Variants in SNX17 observed in about 807,000 individuals in gnomAD.
SNX17 encodes sorting nexin 17, also known as sorting nexin-17.
In SNX17, 35 loss-of-function variants were observed where a neutral mutation model predicts 64.3. The observed-to-expected ratio is 0.54, with a 90% CI of 0.42 to 0.72. The LOEUF is 0.72. Among genes scored for constraint, SNX17 ranks in the 30% least tolerant of loss-of-function variants. The probability of loss-of-function intolerance (pLI) is 0.00; values close to 1 mark genes in which losing one functional copy is unlikely to be tolerated. For synonymous variants in SNX17, 259 were observed against 230.2 expected, an observed-to-expected ratio of 1.13 and a Z score of -1.13; for missense variants, 538 against 610.0, an observed-to-expected ratio of 0.88 and a Z score of 1.24.
In SNX17 at chr2:27,372,635, T is replaced by A. The variant is rs1682751654; in HGVS notation, c.151T>A (p.Tyr51Asn). The A allele has an allele frequency of 6.2e-6, 10 of 1,614,056 alleles. No homozygotes were observed. The highest frequency in any genetic ancestry group is 7.6e-6 in the Non-Finnish European group (9 of 1,179,996). ...LGLHEQLRKE[Y>N]GANVLPAFPP... ...TTTCTCTAAATAGCTTCGGAAGGAGTATGGGGCCAATGTGCTTCCTGCATT... is the reference window on the plus strand; with the variant it reads ...TTTCTCTAAATAGCTTCGGAAGGAGAATGGGGCCAATGTGCTTCCTGCATT... The change falls in exon 3 of 15, where the codon TAT becomes AAT. Residue 51 changes from tyrosine to asparagine, a missense_variant. By Grantham distance (143) the Tyr-to-Asn change is moderately radical. Coordinates refer to ENST00000233575, the MANE Select transcript of SNX17 (RefSeq NM_014748.4).
Position 27,377,458 on chromosome 2 carries a change from T to TA in SNX17, c.*739_*740insA. The TA allele has an allele frequency of 1.4e-6, 2 of 1,434,514 alleles. No homozygotes were observed. Among genetic ancestry groups the TA allele is most frequent in the South Asian group, 2.3e-5 (2 of 86,468 alleles). The allele number at this position is 1,434,514 out of a possible 1,614,324, so 88.9% of individuals were successfully genotyped here. A position where few individuals can be genotyped will look rare whatever the true frequency, so the allele number is the denominator to read the frequency against. ...TGGGCTGGTCCTTATAGTGCCTACG[T>TA]TAGTCTGTGTGGAGCCCCTGGCCAG... On this transcript the variant is annotated 3_prime_UTR_variant, in exon 15 of 15. Transcript: ENST00000233575. This position sits in a 1 kb window ranked among gnomAD's most constrained non-coding sequence, Gnocchi z 4.4.
rs758334589 is a variant in SNX17, at chr2:27,375,575, C to G, written c.844C>G (p.Pro282Ala). The G allele has an allele frequency of 6.2e-7, 1 of 1,614,214 alleles. No homozygotes were observed. Among genetic ancestry groups the G allele is most frequent in the Non-Finnish European group, 8.5e-7 (1 of 1,180,040 alleles). The change falls in exon 10 of 15, where the codon CCA becomes GCA. Residue 282 changes from proline to alanine, a missense_variant. Pro to Ala is a conservative substitution (Grantham distance 27). Coordinates refer to ENST00000233575, the MANE Select transcript of SNX17 (RefSeq NM_014748.4). The surrounding 1 kb of genome is among the most constrained non-coding windows in gnomAD (Gnocchi z 4.1). ...LRFDACVADF[P>A]EKDCPVVVSA... ...CTTTGATGCCTGTGTGGCTGACTTC[C>G]CAGAAAAGGACTGTCCTGTGGTGGT...
intron 3 of SNX17, 120 bp from the exon 4 acceptor site, chr2:27,373,127 G>C: frequency 6.3e-7 from 1 of 1,597,644 alleles, no homozygotes; most frequent in Admixed American, 1.7e-5. Context: ...AGGCCAGCTG[G>C]GGGATGTGGC....
chr2:27,374,515 T>G lies in SNX17; in HGVS notation c.611+82T>G, dbSNP rs1682969169. On this transcript the variant is annotated intron_variant, in intron 7 of 14. Transcript: ENST00000233575. ...TGGGCCACATATTGAGACAGAATAA[T>G]CTGGACAAGGGGGTGTAGTGCTGGG... 2.2e-6 allele frequency: 3 copies of G among 1,383,532 alleles called. No homozygotes were observed. In the Admixed American group the frequency reaches 5.1e-5, roughly 24 times the overall value. The allele number at this position is 1,383,532 out of a possible 1,614,324, so 85.7% of individuals were successfully genotyped here.
chr2:27,372,008 C>T (rs760840150), intron 2 of SNX17, among the ~76,000 whole-genome samples: 5 of 152,182 alleles, frequency 3.3e-5, no homozygotes, highest in Non-Finnish European at 4.4e-5. Flanking sequence ...CCTCAGCCTC[C>T]TGAGTAGCTG....
At chr2:27,373,429 C>G in intron 4 of SNX17, 118 bp downstream of exon 4, 2 of 978,262 alleles carry the variant, frequency 2.0e-6, no homozygotes, top group Non-Finnish European at 3.1e-6. Flanking sequence ...GTGGTGCGAT[C>G]TCAGCTCACT....
At position 27,377,306 on chromosome 2, in the gene SNX17, C is replaced by T; in HGVS notation, c.*587C>T. On this transcript the variant is annotated 3_prime_UTR_variant, in exon 15 of 15. Transcript: ENST00000233575. The surrounding 1 kb of genome is among the most constrained non-coding windows in gnomAD (Gnocchi z 4.4). Reference sequence around the variant, plus strand: ...AACAGGTGGGAGGCTGGGCAGTCCCCCAGCCGGTTTGTCCACAGCCCCTGG... The same window carrying T: ...AACAGGTGGGAGGCTGGGCAGTCCCTCAGCCGGTTTGTCCACAGCCCCTGG... 3 of 654,254 alleles carry T rather than the reference C, an allele frequency of 4.6e-6. No individual in the cohort carries two copies. The South Asian group carries it at 4.9e-5, about 11-fold the overall frequency. 40.5% of individuals were successfully genotyped at this position (654,254 alleles called of 1,614,324 possible).
Position 27,370,629 on chromosome 2 carries a change from G to A in SNX17, c.-115G>A. The A allele has an allele frequency of 1.4e-6, 2 of 1,456,618 alleles. No homozygotes were observed. The highest frequency in any genetic ancestry group is 1.8e-6 in the Non-Finnish European group (2 of 1,103,668). The allele number at this position is 1,456,618 out of a possible 1,614,324, so 90.2% of individuals were successfully genotyped here. On this transcript the variant is annotated 5_prime_UTR_variant, in exon 1 of 15. Coordinates refer to ENST00000233575, the MANE Select transcript of SNX17 (RefSeq NM_014748.4). ...ACCGCCTTCCCACATCGGATCGCAG[G>A]GCTCCCAAAATGGCGAGTGAGGCTG...
chr2:27,374,866 C>T, intron 8 of SNX17, 108 bp downstream of exon 8: 1 of 1,117,714 alleles, frequency 8.9e-7, no homozygotes, highest in Non-Finnish European at 1.4e-6. Context: ...TGGGGAAGTT[C>T]CTAGAATACT....
chr2:27,374,938 CTT>C (rs3215365), intron 8 of SNX17, 121 bp from the exon 9 acceptor site: 397,739 of 994,572 alleles, frequency 0.4, 84,382 homozygotes, highest in African/African-American at 0.65. Flanking sequence ...AGATCAAGGA[CTT>C]ACTGCAGAGA....
At chr2:27,372,998 T>C in intron 3 of SNX17, 2 of 1,502,016 alleles carry the variant, frequency 1.3e-6, no homozygotes, top group Non-Finnish European at 1.8e-6. Flanking sequence ...ACTTAATTTG[T>C]ATCTGATGTG....
chr2:27,372,896 G>A (rs1682776575), intron 3 of SNX17, 156 bp downstream of exon 3: 2 of 1,227,116 alleles, frequency 1.6e-6, no homozygotes, highest in African/African-American at 3.0e-5. Flanking sequence ...AGTGTACGAG[G>A]ATGTGTAACT....
At position 27,370,711 on chromosome 2, in the gene SNX17, T is replaced by G; in HGVS notation, c.-33T>G. On this transcript the variant is annotated 5_prime_UTR_variant, in exon 1 of 15. Coordinates refer to ENST00000233575, the MANE Select transcript of SNX17 (RefSeq NM_014748.4). Reference sequence around the variant, plus strand: ...TGCAGAGCCGCTGCGGCCCTCACAGTCCGGAGCCCGGCCGTGCCGTGCCGT... The same window carrying G: ...TGCAGAGCCGCTGCGGCCCTCACAGGCCGGAGCCCGGCCGTGCCGTGCCGT... 1 of 1,536,546 alleles carries G rather than the reference T, an allele frequency of 6.5e-7. No homozygotes were observed. The highest frequency in any genetic ancestry group is 8.8e-7 in the Non-Finnish European group (1 of 1,137,992).
chr2:27,372,791 G>T, intron 3 of SNX17, 51 bp downstream of exon 3: 1 of 1,608,994 alleles, frequency 6.2e-7, no homozygotes, highest in Non-Finnish European at 8.5e-7. Flanking sequence ...TATGGGGAGA[G>T]ACTTAAAAAC....
intron 8 of SNX17, 147 bp from the exon 9 acceptor site, chr2:27,374,914 T>C: frequency 4.1e-6 from 4 of 971,080 alleles, no homozygotes; most frequent in Non-Finnish European, 6.4e-6. Context: ...CTCCCTACTT[T>C]TATTAAGCTG....
rs1381700207 is a variant in SNX17, at chr2:27,376,792, A to C, written c.*73A>C. The C allele has an allele frequency of 6.2e-6, 8 of 1,299,896 alleles. No homozygotes were observed. Among genetic ancestry groups the C allele is most frequent in the Non-Finnish European group, 8.8e-6 (8 of 906,252 alleles). 80.5% of individuals were successfully genotyped at this position (1,299,896 alleles called of 1,614,324 possible). On this transcript the variant is annotated 3_prime_UTR_variant, in exon 15 of 15. Transcript: ENST00000233575. Reference sequence around the variant, plus strand: ...AACTTGCCCTGTGCCTGTGTCCCCCATGCTAGGGGCGGAGGGGTCTTTTCC... The same window carrying C: ...AACTTGCCCTGTGCCTGTGTCCCCCCTGCTAGGGGCGGAGGGGTCTTTTCC...
chr2:27,376,243 G>T, intron 12 of SNX17, 60 bp downstream of exon 12: 3 of 1,613,240 alleles, frequency 1.9e-6, no homozygotes, highest in South Asian at 2.2e-5. Context: ...TTTTGTCCTA[G>T]ATGTGAGGCT....
At chr2:27,372,775 G>A in intron 3 of SNX17, 35 bp downstream of exon 3, 1 of 1,613,414 alleles carries the variant, frequency 6.2e-7, no homozygotes, top group South Asian at 1.1e-5. Context: ...TGACTATATT[G>A]AGGACTATGG....
At chr2:27,371,601 C>A in intron 2 of SNX17, 1 of 554,358 alleles carries the variant, frequency 1.8e-6, no homozygotes, top group Non-Finnish European at 2.6e-6. Flanking sequence ...TAGCCTTTAC[C>A]CCTGCATGGA....
Sources: gnomAD v4.1 joint callset for allele counts (sites outside exome capture counted in the v4.1 genomes callset) on GRCh38, gnomAD v4.1.1 for gene constraint, Gnocchi (gnomAD v3.1) non-coding constraint, MANE v1.5 for transcripts, NCBI Gene and HGNC (gene_info 2026-07-23, HGNC 2026-07-21) for gene names.